The following WWOX variants were observed in gnomAD, a reference collection of about 807,000 sequenced individuals.
The protein encoded by WWOX is WW domain-containing oxidoreductase.
Under a neutral mutation model 46.2 loss-of-function variants are expected in WWOX, and 69 were observed. The ratio of observed to expected loss-of-function variants is 1.49; its 90% CI spans 1.23 to 1.82. The LOEUF is 1.82. Ranked by LOEUF, WWOX falls within the 40% of genes most tolerant of loss-of-function variation. WWOX has a pLI of 0.00. For missense variants in WWOX, 919 were observed against 542.6 expected (o/e 1.69, Z -6.89); for synonymous variants, 359 against 202.6 (o/e 1.77, Z -6.56).
Position 78,341,598 on chromosome 16 carries a change from G to A in WWOX, c.517-45262G>A, listed in dbSNP as rs189582457. On this transcript the variant is annotated intron_variant, in intron 5 of 8. Transcript: ENST00000566780. Reference sequence around the variant, plus strand: ...CTGAATCACTATTGTCACTGAGGGAGTGGACAGGAAGTGATGCTGAGATAA... The same window carrying A: ...CTGAATCACTATTGTCACTGAGGGAATGGACAGGAAGTGATGCTGAGATAA... Among the ~76,000 whole-genome samples the A allele has an allele frequency of 8.3e-5, 10 of 119,840 alleles. 1 individual carries two copies. The East Asian group carries it at 1.9e-3, about 23-fold the overall frequency. The allele number at this position is 119,840 out of a possible 152,430, so 78.6% of individuals were successfully genotyped here. A position where few individuals can be genotyped will look rare whatever the true frequency, so the allele number is the denominator to read the frequency against.
chr16:78,710,485 T>TATATATATATATATATTTATATAA (rs2048418150), intron 8 of WWOX, among the ~76,000 whole-genome samples: 1 of 130,630 alleles, frequency 7.7e-6, no homozygotes, highest in African/African-American at 3.0e-5. Flanking sequence ...TATATATATA[T>TATATATATATATATATTTATATAA]ATATATATAT....
chr16:79,211,583 T>TTTGTC (rs777223090), intron 8 of WWOX, 25 bp from the exon 9 acceptor site: 5 of 1,614,038 alleles, frequency 3.1e-6, no homozygotes, highest in Admixed American at 1.7e-5. Flanking sequence ...AAAATTTTTT[T>TTTGTC]TTGTCTTTCT....
chr16:78,911,061 C>T (rs2045098210), intron 8 of WWOX, among the ~76,000 whole-genome samples: 1 of 151,386 alleles, frequency 6.6e-6, no homozygotes, highest in Non-Finnish European at 1.5e-5. Flanking sequence ...CGACTTCCAT[C>T]CCCATGTGTG....
intron 8 of WWOX, among the ~76,000 whole-genome samples, chr16:78,462,320 C>T (rs2083972090): frequency 1.3e-5 from 2 of 151,742 alleles, no homozygotes; most frequent in African/African-American, 4.8e-5. Flanking sequence ...TATTCAGTAG[C>T]TAACGAGGGC....
intron 8 of WWOX, among the ~76,000 whole-genome samples, chr16:79,108,755 G>T (rs765649443): frequency 6.6e-6 from 1 of 151,972 alleles, no homozygotes; most frequent in Non-Finnish European, 1.5e-5. Context: ...TAAAAAATTA[G>T]TTAGGTGTAG....
At chr16:78,423,089 G>A (rs1245703744) in intron 6 of WWOX, among the ~76,000 whole-genome samples, 1 of 151,722 alleles carries the variant, frequency 6.6e-6, no homozygotes, top group Non-Finnish European at 1.5e-5. Context: ...GTTTCACCAT[G>A]TTGGTCAGGC....
At chr16:78,612,168 A>G (rs2045915989) in intron 8 of WWOX, among the ~76,000 whole-genome samples, 1 of 152,260 alleles carries the variant, frequency 6.6e-6, no homozygotes, top group South Asian at 2.1e-4. Flanking sequence ...GTGAGGAGGT[A>G]TTCTTTGGAG....
At chr16:78,525,605 G>A (rs750635288) in intron 8 of WWOX, 2 of 152,034 alleles carry the variant, frequency 1.3e-5, no homozygotes, top group Non-Finnish European at 2.9e-5. Flanking sequence ...CATTTTGTAG[G>A]GGACAATAAC....
chr16:78,730,218 A>G (rs1017701308), intron 8 of WWOX, among the ~76,000 whole-genome samples: 1 of 152,056 alleles, frequency 6.6e-6, no homozygotes, highest in Non-Finnish European at 1.5e-5. Context: ...TTGCTTCCCA[A>G]AAAGCGTCTC....
chr16:78,104,222 T>G (rs2031986969), intron 1 of WWOX, among the ~76,000 whole-genome samples: 1 of 124,752 alleles, frequency 8.0e-6, no homozygotes, highest in Non-Finnish European at 1.7e-5. Flanking sequence ...TAACTTACAC[T>G]GTGCTCAAAA....
chr16:78,992,006 G>C (rs1206861421), intron 8 of WWOX, among the ~76,000 whole-genome samples: 3 of 152,180 alleles, frequency 2.0e-5, no homozygotes, highest in Non-Finnish European at 4.4e-5. Flanking sequence ...AAACTCACCT[G>C]AAGGATCTTC....
intron 8 of WWOX, among the ~76,000 whole-genome samples, chr16:78,660,930 C>G (rs2047195752): frequency 6.6e-6 from 1 of 152,140 alleles, no homozygotes; most frequent in Non-Finnish European, 1.5e-5. Flanking sequence ...CCTAATACTG[C>G]ATGACGGATA....
At chr16:79,187,910 C>A (rs750272869) in intron 8 of WWOX, among the ~76,000 whole-genome samples, 4 of 152,176 alleles carry the variant, frequency 2.6e-5, no homozygotes, top group Admixed American at 6.5e-5. Flanking sequence ...GCTGTGAGTC[C>A]TTCCTGTGCA....
intron 5 of WWOX, among the ~76,000 whole-genome samples, chr16:78,253,555 T>C (rs1016282803): frequency 6.6e-6 from 1 of 152,208 alleles, no homozygotes; most frequent in Non-Finnish European, 1.5e-5. Flanking sequence ...TGTCACACTT[T>C]TGTGCTTTGA....
chr16:78,266,545 C>T (rs900557818), intron 5 of WWOX, among the ~76,000 whole-genome samples: 5 of 152,088 alleles, frequency 3.3e-5, no homozygotes, highest in Admixed American at 2.6e-4. Context: ...ATAGGGTGAC[C>T]ATAAGACTCT....
At chr16:78,151,979 A>G (rs2034424933) in intron 4 of WWOX, among the ~76,000 whole-genome samples, 2 of 152,166 alleles carry the variant, frequency 1.3e-5, no homozygotes, top group South Asian at 2.1e-4. Context: ...TCACGAGGTC[A>G]GGAGATGGAG....
intron 8 of WWOX, among the ~76,000 whole-genome samples, chr16:79,122,970 A>G (rs2049670876): frequency 2.0e-5 from 3 of 152,210 alleles, no homozygotes; most frequent in Admixed American, 2.0e-4. Flanking sequence ...TCATTGCCTC[A>G]AAATTTGGGA....
chr16:78,388,825 T>G (rs1300359951), intron 6 of WWOX, among the ~76,000 whole-genome samples: 1 of 151,404 alleles, frequency 6.6e-6, no homozygotes, highest in Non-Finnish European at 1.5e-5. Flanking sequence ...CAAAATTAAC[T>G]GGGCGGGGAG....
intron 8 of WWOX, among the ~76,000 whole-genome samples, chr16:78,981,114 G>A (rs1210697310): frequency 6.6e-6 from 1 of 152,152 alleles, no homozygotes; most frequent in East Asian, 1.9e-4. Context: ...CCCATGCCTT[G>A]GTGTTGAACC....
Sources: allele counts gnomAD v4.1 joint callset (sites outside exome capture counted in the v4.1 genomes callset), GRCh38; gene constraint gnomAD v4.1.1; transcripts MANE v1.5; gene names NCBI Gene and HGNC (gene_info 2026-07-23, HGNC 2026-07-21).